GRIN2A: variants seen among roughly 807,000 people sequenced by gnomAD.
The protein encoded by GRIN2A is glutamate receptor ionotropic, NMDA 2A.
Under a neutral mutation model 113.4 loss-of-function variants are expected in GRIN2A, and 22 were observed. That is an observed-to-expected ratio of 0.19 (90% CI 0.14 to 0.28). The LOEUF is 0.28. Ranked by LOEUF, GRIN2A falls within the 10% of genes least tolerant of loss-of-function variation. The pLI, the probability that GRIN2A is intolerant of heterozygous loss-of-function variation, is 1.00. For synonymous variants in GRIN2A, 827 were observed against 738.4 expected, an observed-to-expected ratio of 1.12 and a Z score of -1.94; for missense variants, 1,502 against 1,887.0, an observed-to-expected ratio of 0.80 and a Z score of 3.78.
At chr16:10,093,566 AT>A (rs1651145918) in intron 2 of GRIN2A, among the ~76,000 whole-genome samples, 1 of 151,958 alleles carries the variant, frequency 6.6e-6, no homozygotes, top group African/African-American at 2.4e-5. Flanking sequence ...TCAGCCTTAT[AT>A]TTAAGAGCTA....
intron 3 of GRIN2A, among the ~76,000 whole-genome samples, chr16:9,923,513 A>C (rs537567644): frequency 3.9e-5 from 6 of 151,978 alleles, no homozygotes; most frequent in African/African-American, 1.2e-4. Context: ...TCTTTTGATA[A>C]GTTGAATATT....
At chr16:9,926,956 G>C (rs16966715) in intron 3 of GRIN2A, among the ~76,000 whole-genome samples, 1,911 of 151,398 alleles carry the variant, frequency 0.013, 24 homozygotes, top group African/African-American at 0.044. Context: ...ACACAACACA[G>C]GTCAATTTGC....
At chr16:9,916,614 G>C (rs117796116) in intron 3 of GRIN2A, among the ~76,000 whole-genome samples, 1 of 152,138 alleles carries the variant, frequency 6.6e-6, no homozygotes, top group African/African-American at 2.4e-5. Flanking sequence ...ATTCCACCTC[G>C]GAGGTGGCTG....
intron 11 of GRIN2A, among the ~76,000 whole-genome samples, chr16:9,787,997 T>C (rs1902336222): frequency 1.3e-5 from 2 of 152,156 alleles, no homozygotes; most frequent in African/African-American, 4.8e-5. Flanking sequence ...TGGTGGTCTG[T>C]GCCTTGTACC....
chr16:9,805,603 C>T (rs533902935), intron 10 of GRIN2A: 14 of 152,274 alleles, frequency 9.2e-5, no homozygotes, highest in South Asian at 4.2e-4. Flanking sequence ...GAGTGAAGCC[C>T]GGTCATGGGA....
intron 3 of GRIN2A, among the ~76,000 whole-genome samples, chr16:9,907,916 C>T (rs575286003): frequency 2.0e-5 from 3 of 152,308 alleles, no homozygotes; most frequent in South Asian, 2.1e-4. Context: ...TCTGAGCCCT[C>T]GCTGCGTGCC....
At chr16:10,098,330 A>T (rs190472052) in intron 2 of GRIN2A, among the ~76,000 whole-genome samples, 66 of 152,346 alleles carry the variant, frequency 4.3e-4, no homozygotes, top group Non-Finnish European at 8.5e-4. Context: ...TGTGGTGAAA[A>T]GGAAACACTT....
At chr16:10,139,735 G>T (rs191656187) in intron 2 of GRIN2A, among the ~76,000 whole-genome samples, 1 of 152,326 alleles carries the variant, frequency 6.6e-6, no homozygotes, top group African/African-American at 2.4e-5. Context: ...GAGCTCACAG[G>T]TTATTTTTAA....
chr16:10,174,166 T>C (rs1391406439), intron 2 of GRIN2A, among the ~76,000 whole-genome samples: 1 of 152,110 alleles, frequency 6.6e-6, no homozygotes, highest in African/African-American at 2.4e-5. Context: ...GAACTGGACC[T>C]AGAATCAGGC....
At chr16:9,831,496 GTT>G (rs55979702) in intron 8 of GRIN2A, among the ~76,000 whole-genome samples, 19 of 137,222 alleles carry the variant, frequency 1.4e-4, no homozygotes, top group South Asian at 7.1e-4. Flanking sequence ...CCCTGCCATT[GTT>G]TTTTTTTTTT....
chr16:9,947,640 C>A (rs2045051081), intron 2 of GRIN2A, among the ~76,000 whole-genome samples: 1 of 152,192 alleles, frequency 6.6e-6, no homozygotes, highest in Non-Finnish European at 1.5e-5. Context: ...GAAATTGCTT[C>A]TTCTCCCTTT....
intron 2 of GRIN2A, among the ~76,000 whole-genome samples, chr16:9,989,887 A>G (rs1367483079): frequency 4.6e-5 from 7 of 152,122 alleles, no homozygotes; most frequent in African/African-American, 1.2e-4. Context: ...GAAATAACAA[A>G]TGTTGGCAAG....
intron 11 of GRIN2A, among the ~76,000 whole-genome samples, chr16:9,782,253 C>T (rs570617044): frequency 3.3e-5 from 5 of 152,036 alleles, no homozygotes; most frequent in Admixed American, 6.5e-5. Flanking sequence ...CTATTTAGAT[C>T]GCATTTATAT....
At chr16:10,108,026 C>T (rs1158119721) in intron 2 of GRIN2A, among the ~76,000 whole-genome samples, 1 of 152,220 alleles carries the variant, frequency 6.6e-6, no homozygotes, top group Non-Finnish European at 1.5e-5. Flanking sequence ...ATGTCTCATC[C>T]AGTTCCTCCC....
At chr16:10,172,181 G>C (rs891209001) in intron 2 of GRIN2A, among the ~76,000 whole-genome samples, 12 of 152,226 alleles carry the variant, frequency 7.9e-5, no homozygotes, top group African/African-American at 2.9e-4. Flanking sequence ...GTTCAGACAG[G>C]TGAAGGGCCT....
intron 2 of GRIN2A, among the ~76,000 whole-genome samples, chr16:10,081,869 T>G (rs1251782079): frequency 2.6e-5 from 4 of 152,178 alleles, no homozygotes; most frequent in African/African-American, 9.7e-5. Context: ...CATTTTCAGA[T>G]TGGTAAGCTG....
At position 10,066,129 on chromosome 16, in the gene GRIN2A, G is replaced by A. The variant is rs189042687; in HGVS notation, c.414+113869C>T. On this transcript the variant is annotated intron_variant, in intron 2 of 12. Coordinates refer to ENST00000330684, the MANE Select transcript of GRIN2A (RefSeq NM_001134407.3). ...ATTCTTCAGACTTTAGAAAGCAGAC[G>A]ATGCTCTTCATCACGGCAGAATTTC... Among the ~76,000 whole-genome samples the A allele has an allele frequency of 5.1e-4, 77 of 152,284 alleles. 1 individual carries two copies. The highest frequency in any genetic ancestry group is 4.2e-3 in the Admixed American group (65 of 15,302).
chr16:10,147,306 T>A (rs2049461097), intron 2 of GRIN2A, among the ~76,000 whole-genome samples: 1 of 151,724 alleles, frequency 6.6e-6, no homozygotes, highest in African/African-American at 2.4e-5. Context: ...AGACACAGAT[T>A]TTAAAGAAAT....
chr16:9,971,112 T>TG (rs1405442289), intron 2 of GRIN2A, among the ~76,000 whole-genome samples: 1 of 152,158 alleles, frequency 6.6e-6, no homozygotes, highest in African/African-American at 2.4e-5. Context: ...CAGTATGAGG[T>TG]GGGGTGAATT....
Sources: gnomAD v4.1 joint callset for allele counts (sites outside exome capture counted in the v4.1 genomes callset) on GRCh38, gnomAD v4.1.1 for gene constraint, MANE v1.5 for transcripts, NCBI Gene and HGNC (gene_info 2026-07-23, HGNC 2026-07-21) for gene names.